The following ROBO2 variants were observed in gnomAD, a reference collection of about 807,000 sequenced individuals.
ROBO2 encodes roundabout homolog 2.
In ROBO2, 53 loss-of-function variants were observed where a neutral mutation model predicts 160.8. The observed-to-expected ratio is 0.33, with a 90% CI of 0.26 to 0.41. The LOEUF (loss-of-function observed/expected upper bound fraction) is 0.41. Ranked by LOEUF, ROBO2 falls within the 10% of genes least tolerant of loss-of-function variation. The pLI, the probability that ROBO2 is intolerant of heterozygous loss-of-function variation, is 1.00. For missense variants in ROBO2, 1,577 were observed against 1,722.4 expected (o/e 0.92, Z 1.49); for synonymous variants, 664 against 611.7 (o/e 1.09, Z -1.26).
At chr3:76,049,401 A>ATTTTTTTTTTTTTTTT (rs1306305555) in intron 2 of ROBO2, among the ~76,000 whole-genome samples, 8 of 63,732 alleles carry the variant, frequency 1.3e-4, no homozygotes, top group South Asian at 7.2e-4. Context: ...ATATATATAT[A>ATTTTTTTTTTTTTTTT]TATTTTTTTT....
At chr3:77,120,946 T>TTAG (rs2074696549) in intron 2 of ROBO2, among the ~76,000 whole-genome samples, 1 of 152,056 alleles carries the variant, frequency 6.6e-6, no homozygotes, top group Admixed American at 6.6e-5. Flanking sequence ...AGATGTTTTA[T>TTAG]TATTATTATT....
chr3:77,436,776 A>G (rs907702864), intron 2 of ROBO2, among the ~76,000 whole-genome samples: 3 of 151,904 alleles, frequency 2.0e-5, no homozygotes, highest in Non-Finnish European at 2.9e-5. Flanking sequence ...TCTAGATGCT[A>G]TTTATGTTTT....
intron 2 of ROBO2, among the ~76,000 whole-genome samples, chr3:76,517,556 C>CA (rs2081402253): frequency 1.3e-5 from 2 of 151,792 alleles, no homozygotes; most frequent in Admixed American, 6.6e-5. Context: ...CAACTGGTGG[C>CA]AAAAAACAAA....
chr3:77,319,091 C>T (rs796771216), intron 2 of ROBO2, among the ~76,000 whole-genome samples: 10 of 152,238 alleles, frequency 6.6e-5, no homozygotes, highest in African/African-American at 2.2e-4. Flanking sequence ...AATTATGTTT[C>T]TATTTTTCAT....
rs374321453 is a variant in ROBO2, at chr3:76,624,667, G to A, written c.110-473347G>A. Among the ~76,000 whole-genome samples, 12 of 151,506 alleles carry A rather than the reference G, an allele frequency of 7.9e-5. No individual in the cohort carries two copies. The South Asian group carries it at 2.5e-3, about 32-fold the overall frequency. Reference sequence around the variant, plus strand: ...TACAAAAAATTAGCCGGGCATGGTGGCATCCCTGTAATCCCAGCTGCTCAG... The same window carrying A: ...TACAAAAAATTAGCCGGGCATGGTGACATCCCTGTAATCCCAGCTGCTCAG... On this transcript the variant is annotated intron_variant, in intron 2 of 26. Transcript: ENST00000487694.
intron 2 of ROBO2, among the ~76,000 whole-genome samples, chr3:76,728,114 A>G (rs1038361787): frequency 6.6e-6 from 1 of 152,134 alleles, no homozygotes; most frequent in Non-Finnish European, 1.5e-5. Flanking sequence ...CATTACAAAA[A>G]ATATTCCTAG....
chr3:76,532,815 T>C (rs2082299084), intron 2 of ROBO2, among the ~76,000 whole-genome samples: 1 of 152,230 alleles, frequency 6.6e-6, no homozygotes, highest in African/African-American at 2.4e-5. Flanking sequence ...GTTCTCATGC[T>C]ACCCCATGAA....
intron 2 of ROBO2, among the ~76,000 whole-genome samples, chr3:76,656,845 A>G (rs1430384124): frequency 1.3e-5 from 2 of 152,072 alleles, no homozygotes; most frequent in Non-Finnish European, 2.9e-5. Context: ...ATTTTAACCA[A>G]TTGCTTGATT....
chr3:77,190,569 A>G (rs1017164490), intron 2 of ROBO2, among the ~76,000 whole-genome samples: 1 of 151,996 alleles, frequency 6.6e-6, no homozygotes, highest in Non-Finnish European at 1.5e-5. Flanking sequence ...ATGTAGCATT[A>G]TAATCTGTGA....
At chr3:75,926,957 G>A (rs1291044184) in intron 1 of ROBO2, among the ~76,000 whole-genome samples, 6 of 152,066 alleles carry the variant, frequency 3.9e-5, no homozygotes, top group African/African-American at 1.4e-4. Flanking sequence ...GACCAGAAAG[G>A]CATTTATTAT....
intron 2 of ROBO2, among the ~76,000 whole-genome samples, chr3:76,172,716 T>C (rs2107017108): frequency 6.6e-6 from 1 of 152,218 alleles, no homozygotes; most frequent in South Asian, 2.1e-4. Context: ...GCTGTAATCA[T>C]CAGATGATGA....
At chr3:76,185,866 A>G (rs1701737101) in intron 2 of ROBO2, among the ~76,000 whole-genome samples, 1 of 152,104 alleles carries the variant, frequency 6.6e-6, no homozygotes, top group South Asian at 2.1e-4. Flanking sequence ...AGTTTATTCA[A>G]CAAACTGATG....
chr3:77,306,754 T>A (rs1317295135), intron 2 of ROBO2, among the ~76,000 whole-genome samples: 1 of 152,180 alleles, frequency 6.6e-6, no homozygotes, highest in Admixed American at 6.5e-5. Flanking sequence ...TTCATTTATA[T>A]CTCACAACTT....
chr3:76,179,878 A>G (rs769598526), intron 2 of ROBO2, among the ~76,000 whole-genome samples: 1 of 152,088 alleles, frequency 6.6e-6, no homozygotes, highest in Admixed American at 6.6e-5. Flanking sequence ...GTGACTTCCA[A>G]TTTGTTTCAC....
At chr3:77,551,173 C>A (rs773203615) in intron 8 of ROBO2, among the ~76,000 whole-genome samples, 184 bp downstream of exon 9, 5 of 151,936 alleles carry the variant, frequency 3.3e-5, no homozygotes, top group Admixed American at 6.6e-5. Flanking sequence ...CACTTATTTT[C>A]CCCAAAGAAG....
chr3:76,723,320 T>C (rs1560446200), intron 2 of ROBO2, among the ~76,000 whole-genome samples: 1 of 152,198 alleles, frequency 6.6e-6, no homozygotes. Flanking sequence ...TTAAAATGTA[T>C]TGAGTTCCTT....
chr3:76,042,818 A>G (rs769477839), intron 2 of ROBO2, among the ~76,000 whole-genome samples: 1 of 152,088 alleles, frequency 6.6e-6, no homozygotes, highest in Non-Finnish European at 1.5e-5. Flanking sequence ...CCACCGGTGC[A>G]TGCAGCCCCT....
intron 2 of ROBO2, among the ~76,000 whole-genome samples, chr3:76,232,547 C>G (rs1704682918): frequency 6.6e-6 from 1 of 152,136 alleles, no homozygotes; most frequent in Non-Finnish European, 1.5e-5. Flanking sequence ...AAAGTTGCAA[C>G]AGTACATCGA....
intron 2 of ROBO2, among the ~76,000 whole-genome samples, chr3:76,415,920 A>C (rs1035889209): frequency 6.6e-6 from 1 of 152,198 alleles, no homozygotes; most frequent in Non-Finnish European, 1.5e-5. Context: ...ATTGATTAAT[A>C]ATACATCATG....
Sources: gnomAD v4.1 joint callset for allele counts (sites outside exome capture counted in the v4.1 genomes callset) on GRCh38, gnomAD v4.1.1 for gene constraint, MANE v1.5 for transcripts, NCBI Gene and HGNC (gene_info 2026-07-23, HGNC 2026-07-21) for gene names.